The following ROBO2 variants were observed in gnomAD, a reference collection of about 807,000 sequenced individuals.
ROBO2 encodes roundabout homolog 2.
A neutral mutation model predicts 160.8 loss-of-function variants in ROBO2; 53 were observed. That is an observed-to-expected ratio of 0.33 (90% CI 0.26 to 0.41). ROBO2 has a LOEUF of 0.41. Ranked by LOEUF, ROBO2 falls within the 10% of genes least tolerant of loss-of-function variation. ROBO2 has a pLI of 1.00. For synonymous variants in ROBO2, 664 were observed against 611.7 expected (o/e 1.09, Z -1.26); for missense variants, 1,577 against 1,722.4 (o/e 0.92, Z 1.49).
At chr3:75,936,718 G>A (rs937637863) in intron 1 of ROBO2, among the ~76,000 whole-genome samples, 11 of 152,020 alleles carry the variant, frequency 7.2e-5, no homozygotes, top group African/African-American at 2.4e-4. Flanking sequence ...TAGAGCTACT[G>A]TGTATCATTC....
chr3:77,084,047 G>A (rs2068985006), intron 1 of ROBO2, among the ~76,000 whole-genome samples: 1 of 152,008 alleles, frequency 6.6e-6, no homozygotes, highest in Non-Finnish European at 1.5e-5. Flanking sequence ...ACATACCTTG[G>A]GAGCTGTTAA....
chr3:76,813,885 T>A (rs1052424324), intron 2 of ROBO2, among the ~76,000 whole-genome samples: 1 of 152,110 alleles, frequency 6.6e-6, no homozygotes, highest in South Asian at 2.1e-4. Context: ...AAAAGATAAG[T>A]GAGAAACTGA....
chr3:76,388,640 T>C (rs2108621719), intron 2 of ROBO2, among the ~76,000 whole-genome samples: 1 of 152,310 alleles, frequency 6.6e-6, no homozygotes, highest in Middle Eastern at 3.4e-3. Flanking sequence ...GTAGGTAAAC[T>C]GAGCTACTTG....
rs1576932045 is a variant in ROBO2 at position 76,118,859 on chromosome 3, T to C, written c.109+181257T>C. 2.0e-5 allele frequency among the ~76,000 whole-genome samples: 3 copies of C among 152,306 alleles called. No individual in the cohort carries two copies. The South Asian group carries it at 6.2e-4, about 32-fold the overall frequency. On this transcript the variant is annotated intron_variant, in intron 2 of 26. Coordinates refer to the ROBO2 transcript ENST00000487694. Reference sequence around the variant, plus strand: ...ACCATCAGTAATGGTATTAACAAAATGGGCACCGTTTAATTAAAATCTGTG... The same window carrying C: ...ACCATCAGTAATGGTATTAACAAAACGGGCACCGTTTAATTAAAATCTGTG...
intron 2 of ROBO2, among the ~76,000 whole-genome samples, chr3:76,376,715 G>A (rs1420094929): frequency 6.6e-6 from 1 of 152,112 alleles, no homozygotes; most frequent in Non-Finnish European, 1.5e-5. Context: ...TTTGGGGTCT[G>A]GGGAAAGTTT....
chr3:77,328,216 T>C (rs776824563), intron 2 of ROBO2, among the ~76,000 whole-genome samples: 14 of 151,984 alleles, frequency 9.2e-5, no homozygotes, highest in Non-Finnish European at 1.3e-4. Context: ...TCCTTTCTGC[T>C]GCGCCCATGA....
chr3:76,766,518 G>C (rs2061584233), intron 2 of ROBO2, among the ~76,000 whole-genome samples: 1 of 151,586 alleles, frequency 6.6e-6, no homozygotes, highest in African/African-American at 2.4e-5. Flanking sequence ...TATTCAGATG[G>C]GAACATCATA....
intron 1 of ROBO2, among the ~76,000 whole-genome samples, chr3:77,056,621 A>G (rs1559917332): frequency 6.6e-6 from 1 of 152,178 alleles, no homozygotes; most frequent in African/African-American, 2.4e-5. Flanking sequence ...TATTTGATGT[A>G]AATTTCATAG....
intron 2 of ROBO2, among the ~76,000 whole-genome samples, chr3:76,298,252 A>T (rs1479862616): frequency 6.6e-6 from 1 of 152,152 alleles, no homozygotes; most frequent in South Asian, 2.1e-4. Context: ...AATGGATTGT[A>T]CAAGGGTGAG....
chr3:77,160,932 C>G (rs2078433425), intron 2 of ROBO2, among the ~76,000 whole-genome samples: 1 of 152,118 alleles, frequency 6.6e-6, no homozygotes, highest in Admixed American at 6.5e-5. Context: ...TAACTTATTA[C>G]TATGATAATT....
intron 2 of ROBO2, among the ~76,000 whole-genome samples, chr3:77,016,949 A>G (rs1485405349): frequency 2.0e-5 from 3 of 152,186 alleles, no homozygotes; most frequent in Non-Finnish European, 4.4e-5. Flanking sequence ...TTATAATAAT[A>G]TTTACTAAAG....
chr3:77,441,070 C>G (rs777694688), intron 2 of ROBO2, among the ~76,000 whole-genome samples: 1 of 152,088 alleles, frequency 6.6e-6, no homozygotes, highest in Non-Finnish European at 1.5e-5. Flanking sequence ...GACTGACATA[C>G]AAATGAGTAG....
At position 76,823,646 on chromosome 3, in the gene ROBO2, A is replaced by G. The variant is rs562918007; in HGVS notation, c.110-274368A>G. ...TCTCAAAGGATGTGAGGTATTAAAA[A>G]TGGAAGCAATAGAAAGAGTAAAAAC... On this transcript the variant is annotated intron_variant, in intron 2 of 26. Coordinates refer to the ROBO2 transcript ENST00000487694. 3.3e-5 allele frequency among the ~76,000 whole-genome samples: 5 copies of G among 152,308 alleles called. No homozygotes were observed. In the South Asian group the frequency reaches 8.3e-4, roughly 25 times the overall value.
At chr3:77,055,554 T>C (rs1253792495) in intron 1 of ROBO2, among the ~76,000 whole-genome samples, 1 of 152,224 alleles carries the variant, frequency 6.6e-6, no homozygotes, top group African/African-American at 2.4e-5. Context: ...GATTTCTGCA[T>C]ACCTTGATTC....
chr3:77,570,444 A>C (rs993027372), intron 13 of ROBO2, among the ~76,000 whole-genome samples: 1 of 151,480 alleles, frequency 6.6e-6, no homozygotes, highest in African/African-American at 2.4e-5. Flanking sequence ...AATTTCTTTC[A>C]TTTCTGTTTT....
intron 13 of ROBO2, among the ~76,000 whole-genome samples, chr3:77,569,102 A>C (rs1008748696): frequency 7.2e-5 from 11 of 151,996 alleles, no homozygotes; most frequent in African/African-American, 2.7e-4. Flanking sequence ...ATTATGAATA[A>C]TGCTGCCATG....
At chr3:76,770,179 T>A (rs1016239659) in intron 2 of ROBO2, among the ~76,000 whole-genome samples, 1 of 151,486 alleles carries the variant, frequency 6.6e-6, no homozygotes, top group East Asian at 2.0e-4. Flanking sequence ...GATAACAAAA[T>A]ATTTGCAGAT....
At chr3:76,219,153 A>T (rs1032492875) in intron 2 of ROBO2, among the ~76,000 whole-genome samples, 3 of 152,214 alleles carry the variant, frequency 2.0e-5, no homozygotes, top group Non-Finnish European at 4.4e-5. Flanking sequence ...ACCTTATACA[A>T]AAATTAATTC....
At chr3:76,771,445 T>C (rs1203856147) in intron 2 of ROBO2, among the ~76,000 whole-genome samples, 1 of 151,326 alleles carries the variant, frequency 6.6e-6, no homozygotes, top group Non-Finnish European at 1.5e-5. Flanking sequence ...TTTTTCTTCC[T>C]ATGTTTTAAA....
Sources: gnomAD v4.1 joint callset for allele counts (sites outside exome capture counted in the v4.1 genomes callset) on GRCh38, gnomAD v4.1.1 for gene constraint, MANE v1.5 for transcripts, NCBI Gene and HGNC (gene_info 2026-07-23, HGNC 2026-07-21) for gene names.